DCC: variants seen among roughly 807,000 people sequenced by gnomAD.
DCC encodes DCC netrin 1 receptor.
DCC carries 58 observed loss-of-function variants against 172.5 expected under a neutral mutation model. The observed-to-expected ratio is 0.34, with a 90% CI of 0.27 to 0.42. The LOEUF (loss-of-function observed/expected upper bound fraction) is 0.42. Ranked by LOEUF, DCC falls within the 10% of genes least tolerant of loss-of-function variation. The pLI is 1.00. For missense variants in DCC, 1,740 were observed against 1,791.0 expected, an observed-to-expected ratio of 0.97 and a Z score of 0.51; for synonymous variants, 709 against 644.5, an observed-to-expected ratio of 1.10 and a Z score of -1.52.
intron 12 of DCC, among the ~76,000 whole-genome samples, chr18:53,301,477 A>G (rs1368313042): frequency 6.6e-6 from 1 of 152,172 alleles, no homozygotes; most frequent in Non-Finnish European, 1.5e-5. Context: ...GCTTATTTTA[A>G]AACTTAATTT....
At chr18:53,364,283 T>C (rs1455075827) in intron 15 of DCC, among the ~76,000 whole-genome samples, 1 of 152,204 alleles carries the variant, frequency 6.6e-6, no homozygotes, top group Non-Finnish European at 1.5e-5. Context: ...GTTACAAAGA[T>C]TAAATAGGTA....
chr18:52,931,792 C>T (rs1874174862), intron 5 of DCC: 1 of 151,910 alleles, frequency 6.6e-6, no homozygotes, highest in Non-Finnish European at 1.5e-5. Flanking sequence ...TTACAGTAAT[C>T]ATCGATAAAG....
chr18:52,814,021 T>C (rs1352567493), intron 2 of DCC, among the ~76,000 whole-genome samples: 1 of 152,202 alleles, frequency 6.6e-6, no homozygotes. Flanking sequence ...TTCATAACCA[T>C]TACAATAGCA....
intron 1 of DCC, among the ~76,000 whole-genome samples, chr18:52,712,756 C>G (rs1273860347): frequency 6.6e-6 from 1 of 152,212 alleles, no homozygotes; most frequent in African/African-American, 2.4e-5. Flanking sequence ...CATTCATACA[C>G]CAATCGATAT....
intron 2 of DCC, among the ~76,000 whole-genome samples, chr18:52,785,889 AT>A (rs1372296070): frequency 6.6e-6 from 1 of 151,994 alleles, no homozygotes; most frequent in Non-Finnish European, 1.5e-5. Context: ...ACCAACTATT[AT>A]TTTTAGGACA....
chr18:52,599,312 C>T (rs1145299), intron 1 of DCC, among the ~76,000 whole-genome samples: 121,322 of 151,912 alleles, frequency 0.8, 48,663 homozygotes, highest in Middle Eastern at 0.87. Flanking sequence ...GTCGAAAAAC[C>T]TTTTCTGTGC....
chr18:53,146,212 C>T (rs956267837), intron 7 of DCC, among the ~76,000 whole-genome samples: 19 of 151,686 alleles, frequency 1.3e-4, no homozygotes, highest in Admixed American at 3.3e-4. Context: ...CAGAACAAGA[C>T]TCTGTCTCCA....
At position 53,178,893 on chromosome 18, in the gene DCC, A is replaced by T. The variant is rs2055150695; in HGVS notation, c.1419-69A>T. 39 of 1,578,258 alleles carry T rather than the reference A, an allele frequency of 2.5e-5. 1 individual carries two copies. The South Asian group carries it at 4.2e-4, about 17-fold the overall frequency. Reference sequence around the variant, plus strand: ...TTGGTTCACCTCACTACTCTTGCACATCAAATACAGATTTTGGCTGAAGGT... The same window carrying T: ...TTGGTTCACCTCACTACTCTTGCACTTCAAATACAGATTTTGGCTGAAGGT... On this transcript the variant is annotated intron_variant, in intron 8 of 28. Coordinates refer to ENST00000442544, the MANE Select transcript of DCC (RefSeq NM_005215.4).
intron 1 of DCC, among the ~76,000 whole-genome samples, chr18:52,384,234 C>A (rs528784056): frequency 6.6e-6 from 1 of 152,182 alleles, no homozygotes; most frequent in African/African-American, 2.4e-5. Context: ...TGTCACATAA[C>A]CCCTATAATC....
At chr18:52,434,408 C>T (rs1356806940) in intron 1 of DCC, among the ~76,000 whole-genome samples, 3 of 152,078 alleles carry the variant, frequency 2.0e-5, no homozygotes, top group South Asian at 2.1e-4. Context: ...GCTAAGAGTG[C>T]CCAAAAATGT....
At chr18:52,945,729 A>G (rs1163359858) in intron 5 of DCC, among the ~76,000 whole-genome samples, 1 of 151,886 alleles carries the variant, frequency 6.6e-6, no homozygotes, top group Admixed American at 6.6e-5. Context: ...GCAGTGCACA[A>G]GCTGACACAG....
chr18:53,183,957 A>G (rs1478182889), intron 9 of DCC, among the ~76,000 whole-genome samples: 1 of 151,094 alleles, frequency 6.6e-6, no homozygotes, highest in Admixed American at 6.6e-5. Context: ...AAAATGAAAT[A>G]TGATAACACG....
chr18:53,138,306 T>C (rs557318184), intron 7 of DCC, among the ~76,000 whole-genome samples: 88 of 152,300 alleles, frequency 5.8e-4, no homozygotes, highest in Middle Eastern at 3.4e-3. Flanking sequence ...ATAAGACCTA[T>C]AATTTGCAAA....
Position 52,567,857 on chromosome 18 carries a change from G to T in DCC, c.92-184197G>T, listed in dbSNP as rs370762921. Among the ~76,000 whole-genome samples the T allele has an allele frequency of 2.0e-5, 3 of 151,982 alleles. No homozygotes were observed. In the East Asian group the frequency reaches 5.8e-4, roughly 29 times the overall value. On this transcript the variant is annotated intron_variant, in intron 1 of 28. Transcript: ENST00000442544. Reference sequence around the variant, plus strand: ...AGAGGTGAGGGAATTCCTTTATCAGGATGGAGCAGTTCTGTACTTTGACTG... The same window carrying T: ...AGAGGTGAGGGAATTCCTTTATCAGTATGGAGCAGTTCTGTACTTTGACTG...
intron 1 of DCC, among the ~76,000 whole-genome samples, chr18:52,623,236 A>T (rs1053000309): frequency 2.6e-5 from 4 of 152,220 alleles, no homozygotes; most frequent in Non-Finnish European, 5.9e-5. Flanking sequence ...GGACAGTTAA[A>T]TATTTTCCTC....
intron 2 of DCC, among the ~76,000 whole-genome samples, chr18:52,786,687 C>T (rs571767638): frequency 1.2e-4 from 18 of 152,184 alleles, no homozygotes; most frequent in Middle Eastern, 3.4e-3. Context: ...TTGGGTGATC[C>T]TTTTCTCTTA....
chr18:52,994,070 G>C lies in DCC; in HGVS notation c.985+68700G>C, dbSNP rs191207069. Among the ~76,000 whole-genome samples, 28 of 152,090 alleles carry C rather than the reference G, an allele frequency of 1.8e-4. 1 individual carries two copies. Among genetic ancestry groups the C allele is most frequent in the Non-Finnish European group, 4.1e-4 (28 of 67,986 alleles). ...AACAAAAAAAGGAATCTCAACTTAG[G>C]TAAGAGTAGCCACTATGTCTCAGGA... On this transcript the variant is annotated intron_variant, in intron 5 of 28. Coordinates refer to ENST00000442544, the MANE Select transcript of DCC (RefSeq NM_005215.4).
At chr18:52,889,944 T>C (rs1415875519) in intron 2 of DCC, among the ~76,000 whole-genome samples, 1 of 152,228 alleles carries the variant, frequency 6.6e-6, no homozygotes, top group East Asian at 1.9e-4. Context: ...TGTTAATTGG[T>C]GTTTTTACTA....
intron 13 of DCC, among the ~76,000 whole-genome samples, chr18:53,318,361 T>A (rs1257772608): frequency 6.6e-6 from 1 of 152,196 alleles, no homozygotes; most frequent in Non-Finnish European, 1.5e-5. Flanking sequence ...TGTTATGATT[T>A]TCATTCTTTT....
Sources: allele counts gnomAD v4.1 joint callset (sites outside exome capture counted in the v4.1 genomes callset), GRCh38; gene constraint gnomAD v4.1.1; transcripts MANE v1.5; gene names NCBI Gene and HGNC (gene_info 2026-07-23, HGNC 2026-07-21).